The following RIN3 variants were observed in gnomAD, a reference collection of about 807,000 sequenced individuals.
RIN3 encodes the protein RAB5 interacting protein 3.
RIN3 carries 54 observed loss-of-function variants against 76.3 expected under a neutral mutation model. That is an observed-to-expected ratio of 0.71 (90% CI 0.57 to 0.89). RIN3 has a LOEUF of 0.89. RIN3 is among the 40% of genes least tolerant of loss of function. The pLI, the probability that RIN3 is intolerant of heterozygous loss-of-function variation, is 0.00. For missense variants in RIN3, 1,256 were observed against 1,322.1 expected, an observed-to-expected ratio of 0.95 and a Z score of 0.78; for synonymous variants, 576 against 564.0, an observed-to-expected ratio of 1.02 and a Z score of -0.30.
At chr14:92,564,820 A>G (rs942366789) in intron 2 of RIN3, among the ~76,000 whole-genome samples, 65 of 152,208 alleles carry the variant, frequency 4.3e-4, no homozygotes, top group African/African-American at 1.4e-3. Context: ...AAACGCGCAC[A>G]CACACGCGCG....
intron 8 of RIN3, among the ~76,000 whole-genome samples, chr14:92,683,109 A>G (rs1465643557): frequency 2.0e-5 from 3 of 151,980 alleles, no homozygotes; most frequent in Non-Finnish European, 2.9e-5. Context: ...GGAGGTTGCA[A>G]TGTGCCTAGA....
intron 2 of RIN3, among the ~76,000 whole-genome samples, chr14:92,567,081 T>C (rs540235216): frequency 2.6e-5 from 4 of 152,306 alleles, no homozygotes; most frequent in African/African-American, 9.6e-5. Flanking sequence ...TAATAAGTGA[T>C]GTGACCTCAG....
intron 5 of RIN3, among the ~76,000 whole-genome samples, chr14:92,642,847 T>A (rs973531556): frequency 4.6e-5 from 7 of 152,220 alleles, no homozygotes; most frequent in Admixed American, 1.3e-4. Context: ...GAGCACTGAC[T>A]GCGTTCTAAC....
Position 92,688,537 on chromosome 14 carries a change from C to G in RIN3, c.*285C>G. 1 of 487,418 alleles carries G rather than the reference C, an allele frequency of 2.1e-6. No homozygotes were observed. The highest frequency in any genetic ancestry group is 3.7e-6 in the Non-Finnish European group (1 of 273,524). The allele number at this position is 487,418 out of a possible 1,614,324, so 30.2% of individuals were successfully genotyped here. A position where few individuals can be genotyped will look rare whatever the true frequency, so the allele number is the denominator to read the frequency against. ...AGGCGCTCCAGGCCGCTGCAGCCAA[C>G]AAACCGGCGCCCTCTTCACACGTAG... is the stretch of plus-strand genomic sequence containing the variant. On this transcript the variant is annotated 3_prime_UTR_variant, in exon 10 of 10. Transcript: ENST00000216487.
intron 1 of RIN3, among the ~76,000 whole-genome samples, chr14:92,549,928 C>T (rs969521321): frequency 5.9e-5 from 9 of 152,204 alleles, no homozygotes; most frequent in Non-Finnish European, 7.3e-5. Flanking sequence ...CCAAGGTCCC[C>T]GGTTCTGCCT....
intron 1 of RIN3, among the ~76,000 whole-genome samples, chr14:92,549,024 GC>G (rs931994542): frequency 2.0e-5 from 3 of 152,050 alleles, no homozygotes; most frequent in African/African-American, 7.2e-5. Context: ...TCCCACGCCG[GC>G]CCCTGCACTC....
intron 1 of RIN3, among the ~76,000 whole-genome samples, chr14:92,546,716 G>GCC (rs66463905): frequency 6.6e-6 from 1 of 151,728 alleles, no homozygotes; most frequent in Non-Finnish European, 1.5e-5. Context: ...GGGGAGCTTT[G>GCC]CCCCCCGCCC....
chr14:92,676,660 C>A, intron 8 of RIN3, 54 bp downstream of exon 8: 1 of 1,588,458 alleles, frequency 6.3e-7, no homozygotes, highest in Non-Finnish European at 8.6e-7. Context: ...AACTCAGCCA[C>A]GCCACGGGCA....
chr14:92,600,666 C>T (rs1288385940), intron 3 of RIN3, among the ~76,000 whole-genome samples: 2 of 152,174 alleles, frequency 1.3e-5, no homozygotes, highest in African/African-American at 2.4e-5. Flanking sequence ...AGGCAGCACA[C>T]TAGGTGTTGG....
intron 1 of RIN3, among the ~76,000 whole-genome samples, chr14:92,539,872 T>G (rs943662): frequency 0.71 from 107,462 of 151,964 alleles, 38,483 homozygotes; most frequent in Middle Eastern, 0.8. Context: ...GCCATGAGCC[T>G]TCAACCACAG....
chr14:92,628,314 T>A (rs1770860495), intron 4 of RIN3, among the ~76,000 whole-genome samples: 1 of 152,004 alleles, frequency 6.6e-6, no homozygotes, highest in Non-Finnish European at 1.5e-5. Flanking sequence ...TCTAAACAAT[T>A]TGGGGGTCAA....
At chr14:92,525,841 A>G (rs1896714496) in intron 1 of RIN3, among the ~76,000 whole-genome samples, 1 of 152,084 alleles carries the variant, frequency 6.6e-6, no homozygotes, top group African/African-American at 2.4e-5. Flanking sequence ...GGGACGCAGG[A>G]GTGATAGGCA....
chr14:92,657,752 C>T (rs753823140), intron 6 of RIN3, among the ~76,000 whole-genome samples: 36 of 152,142 alleles, frequency 2.4e-4, no homozygotes, highest in Non-Finnish European at 4.7e-4. Context: ...GGGTCAGGAA[C>T]GGGGTGAGGG....
chr14:92,647,436 G>T (rs536480112), intron 5 of RIN3, among the ~76,000 whole-genome samples: 2 of 152,210 alleles, frequency 1.3e-5, no homozygotes, highest in East Asian at 3.9e-4. Context: ...TACTCGCAGT[G>T]GTTTTCAAAC....
chr14:92,687,884 AC>A, intron 9 of RIN3, 41 bp from the exon 10 acceptor site: 1 of 1,477,338 alleles, frequency 6.8e-7, no homozygotes, highest in South Asian at 1.3e-5. Context: ...GCCTGAGGAG[AC>A]AGGGCCCCGC....
At chr14:92,537,733 C>T (rs547884297) in intron 1 of RIN3, among the ~76,000 whole-genome samples, 160 of 150,614 alleles carry the variant, frequency 1.1e-3, no homozygotes, top group African/African-American at 3.6e-3. Flanking sequence ...CAGCCTCTGC[C>T]CCCCCGCCAC....
intron 7 of RIN3, among the ~76,000 whole-genome samples, chr14:92,661,369 A>G (rs1360965909): frequency 6.6e-6 from 1 of 152,206 alleles, no homozygotes. Context: ...ACAGGACACA[A>G]TTCCAGGTTG....
At chr14:92,651,426 C>T (rs1035129397) in intron 5 of RIN3, among the ~76,000 whole-genome samples, 156 bp from the exon 6 acceptor site, 2 of 104,176 alleles carry the variant, frequency 1.9e-5, no homozygotes, top group South Asian at 3.9e-4. Context: ...GGTTTGAAAG[C>T]GTCCAAGAGG....
chr14:92,587,487 G>A, intron 3 of RIN3, among the ~76,000 whole-genome samples: 1 of 152,248 alleles, frequency 6.6e-6, no homozygotes, highest in East Asian at 1.9e-4. Context: ...ACAGGAAGAA[G>A]TTTTGACAGA....
Sources: gnomAD v4.1 joint callset for allele counts (sites outside exome capture counted in the v4.1 genomes callset) on GRCh38, gnomAD v4.1.1 for gene constraint, MANE v1.5 for transcripts, NCBI Gene and HGNC (gene_info 2026-07-23, HGNC 2026-07-21) for gene names.